The following TTC17 variants were observed in gnomAD, a reference collection of about 807,000 sequenced individuals.
TTC17 encodes tetratricopeptide repeat protein 17.
A neutral mutation model predicts 143.8 loss-of-function variants in TTC17; 58 were observed. That is an observed-to-expected ratio of 0.40 (90% CI 0.33 to 0.50). TTC17 has a LOEUF of 0.50. Ranked by LOEUF, TTC17 falls within the 20% of genes least tolerant of loss-of-function variation. TTC17 has a pLI of 0.49. For missense variants in TTC17, 1,273 were observed against 1,392.5 expected, an observed-to-expected ratio of 0.91 and a Z score of 1.37; for synonymous variants, 501 against 497.8, an observed-to-expected ratio of 1.01 and a Z score of -0.09.
chr11:43,383,383 C>T (rs1202013000), intron 2 of TTC17, among the ~76,000 whole-genome samples: 1 of 152,182 alleles, frequency 6.6e-6, no homozygotes, highest in Non-Finnish European at 1.5e-5. Context: ...TGAAGTCTTG[C>T]TCTTGTCCCC....
At chr11:43,380,674 T>C (rs780636059) in intron 2 of TTC17, among the ~76,000 whole-genome samples, 9 of 152,250 alleles carry the variant, frequency 5.9e-5, no homozygotes, top group Non-Finnish European at 5.9e-5. Context: ...CAAATAGTTA[T>C]AAATATGTAC....
At chr11:43,422,979 G>A (rs1265356144) in intron 16 of TTC17, among the ~76,000 whole-genome samples, 2 of 152,184 alleles carry the variant, frequency 1.3e-5, no homozygotes, top group Admixed American at 1.3e-4. Context: ...TGAAGATGCA[G>A]CTTAGGGCTA....
intron 19 of TTC17, chr11:43,448,863 C>A (rs892200864): frequency 6.6e-6 from 1 of 151,842 alleles, no homozygotes; most frequent in Non-Finnish European, 1.5e-5. Flanking sequence ...TTTTCTTTTC[C>A]TATTTTTAGT....
chr11:43,383,746 A>G (rs1857065440), intron 2 of TTC17, among the ~76,000 whole-genome samples: 1 of 152,050 alleles, frequency 6.6e-6, no homozygotes, highest in African/African-American at 2.4e-5. Context: ...AGGAATTACT[A>G]TTTTTTACAT....
chr11:43,443,735 G>A, intron 17 of TTC17, 151 bp downstream of exon 17: 1 of 1,102,918 alleles, frequency 9.1e-7, no homozygotes, highest in Non-Finnish European at 1.3e-6. Flanking sequence ...TTGGGAGGAA[G>A]CATTTCATGT....
intron 1 of TTC17, among the ~76,000 whole-genome samples, chr11:43,362,092 T>A (rs887455160): frequency 6.6e-5 from 10 of 151,288 alleles, no homozygotes; most frequent in African/African-American, 2.2e-4. Context: ...GTGATTCTCC[T>A]GCCTCAGCAT....
At chr11:43,368,882 G>A (rs1234862039) in intron 1 of TTC17, among the ~76,000 whole-genome samples, 1 of 152,166 alleles carries the variant, frequency 6.6e-6, no homozygotes, top group Non-Finnish European at 1.5e-5. Flanking sequence ...TGTGTGGTGT[G>A]GTGTGCTCTG....
intron 1 of TTC17, among the ~76,000 whole-genome samples, chr11:43,372,182 T>C (rs528129213): frequency 6.6e-6 from 1 of 152,368 alleles, no homozygotes; most frequent in South Asian, 2.1e-4. Context: ...ATTCAACTGT[T>C]CTGGAGAAAA....
Position 43,463,228 on chromosome 11 carries a change from T to C in TTC17, c.3030+11963T>C, listed in dbSNP as rs1590464412. 3.3e-5 allele frequency among the ~76,000 whole-genome samples: 5 copies of C among 152,184 alleles called. No homozygotes were observed. The South Asian group carries it at 1.0e-3, about 32-fold the overall frequency. ...CGTGCCCGGCCCAAAATTCATTCTT[T>C]TACATGCACAAGGAAGGAACATTTA... On this transcript the variant is annotated intron_variant, in intron 21 of 23. Transcript: ENST00000039989.
chr11:43,407,222 C>A lies in TTC17; in HGVS notation c.1839+7C>A. Reference sequence around the variant, plus strand: ...ATTTCATGCTATTAATAAGGTGAGTCATTTACTTTAGACATCTAAAACTTA... The same window carrying A: ...ATTTCATGCTATTAATAAGGTGAGTAATTTACTTTAGACATCTAAAACTTA... On this transcript the variant is annotated splice_region_variant and intron_variant, in intron 14 of 23. Transcript: ENST00000039989. 2.5e-6 allele frequency: 4 copies of A among 1,583,336 alleles called. No homozygotes were observed. The South Asian group carries it at 3.4e-5, about 14-fold the overall frequency.
At chr11:43,385,728 A>C (rs1395863309) in intron 2 of TTC17, 1 of 151,552 alleles carries the variant, frequency 6.6e-6, no homozygotes, top group African/African-American at 2.4e-5. Context: ...AAAAAAAAAA[A>C]AAAAGACTGA....
intron 1 of TTC17, among the ~76,000 whole-genome samples, chr11:43,367,274 A>G (rs1372143858): frequency 6.6e-6 from 1 of 152,192 alleles, no homozygotes; most frequent in Non-Finnish European, 1.5e-5. Flanking sequence ...ATTCCTGCTT[A>G]CCTACTGTAG....
chr11:43,462,921 C>CTTTTTTTTTTTTTTTTTTTTTTTTT lies in TTC17; in HGVS notation c.3030+11668_3030+11669insTTTTTTTTTTTTTTTTTTTTTTTTT, dbSNP rs562594929. ...CACTGAATCCAGCAGTGACAAAATT[C>CTTTTTTTTTTTTTTTTTTTTTTTTT]TTTTTTTTTTTTGAGACAGAGTCTC... On this transcript the variant is annotated intron_variant, in intron 21 of 23. Transcript: ENST00000039989. Among the ~76,000 whole-genome samples, 23 of 117,746 alleles carry CTTTTTTTTTTTTTTTTTTTTTTTTT rather than the reference C, an allele frequency of 2.0e-4. 5 individuals carry two copies. The highest frequency in any genetic ancestry group is 6.9e-4 in the African/African-American group (17 of 24,762). 77.2% of individuals were successfully genotyped at this position (117,746 alleles called of 152,430 possible).
intron 21 of TTC17, among the ~76,000 whole-genome samples, chr11:43,473,313 T>C (rs964972512): frequency 6.6e-6 from 1 of 152,114 alleles, no homozygotes; most frequent in Non-Finnish European, 1.5e-5. Flanking sequence ...GTAAAAGATA[T>C]GGTATATCAG....
intron 5 of TTC17, among the ~76,000 whole-genome samples, chr11:43,392,258 A>T (rs961036572): frequency 2.0e-5 from 3 of 152,212 alleles, no homozygotes; most frequent in Non-Finnish European, 4.4e-5. Flanking sequence ...AAGAAAGTTA[A>T]TGTTTTAGTG....
chr11:43,360,565 G>C (rs944661212), intron 1 of TTC17, among the ~76,000 whole-genome samples: 4 of 152,144 alleles, frequency 2.6e-5, no homozygotes, highest in African/African-American at 9.7e-5. Context: ...TTTGGCCACA[G>C]CTATTTATAC....
chr11:43,399,794 G>T (rs1857770215), intron 8 of TTC17, 94 bp from the exon 9 acceptor site: 2 of 1,283,472 alleles, frequency 1.6e-6, no homozygotes, highest in Non-Finnish European at 2.1e-6. Context: ...CACAGTAATT[G>T]TTGCTGAGAA....
At chr11:43,441,348 C>T (rs1947416392) in intron 16 of TTC17, among the ~76,000 whole-genome samples, 1 of 151,182 alleles carries the variant, frequency 6.6e-6, no homozygotes, top group Admixed American at 6.6e-5. Context: ...AATCCTGTCT[C>T]AGGTAGTCCG....
chr11:43,385,354 G>A (rs1857130746), intron 2 of TTC17, among the ~76,000 whole-genome samples: 1 of 152,098 alleles, frequency 6.6e-6, no homozygotes. Context: ...TTGTTATCAT[G>A]CATAACATGT....
Sources: gnomAD v4.1 joint callset for allele counts (sites outside exome capture counted in the v4.1 genomes callset) on GRCh38, gnomAD v4.1.1 for gene constraint, MANE v1.5 for transcripts, NCBI Gene and HGNC (gene_info 2026-07-23, HGNC 2026-07-21) for gene names.